The following NCK1 variants were observed in gnomAD, a reference collection of about 807,000 sequenced individuals.
NCK1 encodes the protein NCK adaptor protein 1, also known as SH2/SH3 adapter protein NCK1.
In NCK1, 19 loss-of-function variants were observed where a neutral mutation model predicts 36.6. The observed-to-expected ratio is 0.52, with a 90% CI of 0.36 to 0.76. The LOEUF is 0.76. Ranked by LOEUF, NCK1 falls within the 30% of genes least tolerant of loss-of-function variation. NCK1 has a pLI of 0.00. For synonymous variants in NCK1, 165 were observed against 156.0 expected (o/e 1.06, Z -0.43); for missense variants, 358 against 445.6 (o/e 0.80, Z 1.77).
In NCK1 at chr3:136,951,239, T is replaced by C. The variant is rs1280706924; in HGVS notation, c.*2786T>C. Among the ~76,000 whole-genome samples, 2 of 152,198 alleles carry C rather than the reference T, an allele frequency of 1.3e-5. No individual in the cohort carries two copies. The highest frequency in any genetic ancestry group is 4.8e-5 in the African/African-American group (2 of 41,462). On this transcript the variant is annotated 3_prime_UTR_variant, in exon 4 of 4. Coordinates refer to ENST00000481752, the MANE Select transcript of NCK1 (RefSeq NM_001291999.2). ...ATAGAAGCAGAGTTGTCACAGTCTC[T>C]GTAGCACGTTTGTGAGAATTCTCTA...
intron 1 of NCK1, among the ~76,000 whole-genome samples, chr3:136,924,742 G>A (rs1940195831): frequency 6.6e-6 from 1 of 152,182 alleles, no homozygotes; most frequent in African/African-American, 2.4e-5. Flanking sequence ...GCAGGAGGAG[G>A]GGAGGTCCAT....
chr3:136,868,153 T>TG (rs2108064311), intron 1 of NCK1, among the ~76,000 whole-genome samples: 1 of 152,064 alleles, frequency 6.6e-6, no homozygotes, highest in Non-Finnish European at 1.5e-5. Flanking sequence ...TGACCTCAGG[T>TG]GATCCGCTCA....
intron 1 of NCK1, among the ~76,000 whole-genome samples, chr3:136,866,770 C>T (rs1230447999): frequency 4.0e-5 from 6 of 151,442 alleles, no homozygotes; most frequent in East Asian, 3.9e-4. Context: ...CATGCCACCA[C>T]GCCTGGCTAA....
In NCK1 at chr3:136,928,089, T is replaced by C. The variant is rs780159643; in HGVS notation, c.88T>C (p.Trp30Arg). 6.2e-7 allele frequency: 1 copy of C among 1,614,188 alleles called. No homozygotes were observed. Among genetic ancestry groups the C allele is most frequent in the Non-Finnish European group, 8.5e-7 (1 of 1,180,028 alleles). Residue 30 changes from tryptophan (W) to arginine (R), a missense_variant, in exon 2 of 4, where the codon TGG becomes CGG. By Grantham distance (101) the Trp-to-Arg change is moderately radical. Coordinates refer to ENST00000481752, the MANE Select transcript of NCK1 (RefSeq NM_001291999.2). ...ELDIKKNERL[W>R]LLDDSKSWWR... ...GGACATCAAGAAGAATGAGAGATTA[T>C]GGCTTCTGGATGATTCTAAGTCCTG...
intron 1 of NCK1, among the ~76,000 whole-genome samples, chr3:136,922,761 A>C (rs1279677009): frequency 2.0e-5 from 3 of 152,222 alleles, no homozygotes; most frequent in Non-Finnish European, 2.9e-5. Flanking sequence ...ATGAATACAG[A>C]ATTTAGCAGT....
At chr3:136,942,388 A>G (rs991413967) in intron 2 of NCK1, among the ~76,000 whole-genome samples, 6 of 152,176 alleles carry the variant, frequency 3.9e-5, no homozygotes, top group Non-Finnish European at 5.9e-5. Context: ...TATAAGCTCT[A>G]TATTCCTGGT....
chr3:136,937,134 T>C (rs1940552068), intron 2 of NCK1, among the ~76,000 whole-genome samples: 1 of 152,204 alleles, frequency 6.6e-6, no homozygotes, highest in Non-Finnish European at 1.5e-5. Context: ...AGTTAATTTT[T>C]ATATATGATG....
In NCK1 at chr3:136,864,080, G is replaced by A. The variant is rs186083874; in HGVS notation, c.-19+1727G>A. ...CGCGCCACTGCACTCCAGCCTGGGC[G>A]ACAGAGCGAGACTCCGTCTCAAAAA... On this transcript the variant is annotated intron_variant, in intron 1 of 3. Transcript: ENST00000481752. 3.2e-3 allele frequency among the ~76,000 whole-genome samples: 479 copies of A among 150,020 alleles called. 6 individuals carry two copies. Among genetic ancestry groups the A allele is most frequent in the African/African-American group, 0.011 (464 of 40,834 alleles).
intron 1 of NCK1, among the ~76,000 whole-genome samples, chr3:136,922,953 C>T (rs576375199): frequency 7.3e-4 from 111 of 152,202 alleles, no homozygotes; most frequent in Admixed American, 7.2e-4. Flanking sequence ...GAAGAAAGTG[C>T]TACTTACATA....
At chr3:136,873,896 C>A (rs1378560322) in intron 1 of NCK1, among the ~76,000 whole-genome samples, 1 of 152,150 alleles carries the variant, frequency 6.6e-6, no homozygotes, top group Non-Finnish European at 1.5e-5. Flanking sequence ...TCCATTAAAC[C>A]TCTTTCTTTT....
At chr3:136,930,392 A>C in intron 2 of NCK1, 2 of 1,185,436 alleles carry the variant, frequency 1.7e-6, no homozygotes, top group Non-Finnish European at 2.1e-6. Context: ...GAGGAAAAAA[A>C]AGTTTTGGAA....
intron 1 of NCK1, among the ~76,000 whole-genome samples, chr3:136,863,039 A>C (rs1233945143): frequency 6.6e-6 from 1 of 150,400 alleles, no homozygotes; most frequent in Non-Finnish European, 1.5e-5. Flanking sequence ...TTAACATACA[A>C]GTTAAATTCG....
chr3:136,891,197 G>A (rs758294882), intron 1 of NCK1, among the ~76,000 whole-genome samples: 1 of 152,290 alleles, frequency 6.6e-6, no homozygotes, highest in East Asian at 1.9e-4. Flanking sequence ...GCAGTGGCAC[G>A]ATCTCGGCTC....
At chr3:136,901,526 GA>G (rs1179839142) in intron 1 of NCK1, among the ~76,000 whole-genome samples, 2 of 151,958 alleles carry the variant, frequency 1.3e-5, no homozygotes, top group Non-Finnish European at 2.9e-5. Flanking sequence ...TGTTTGTTGG[GA>G]GACTTTATTA....
chr3:136,894,433 A>G (rs1391200499), intron 1 of NCK1, among the ~76,000 whole-genome samples: 5 of 152,182 alleles, frequency 3.3e-5, no homozygotes, highest in Admixed American at 6.5e-5. Context: ...TGACTTCTTA[A>G]TCGAGCTTTT....
intron 3 of NCK1, among the ~76,000 whole-genome samples, chr3:136,946,543 C>G (rs1187581793): frequency 6.6e-6 from 1 of 152,144 alleles, no homozygotes; most frequent in Non-Finnish European, 1.5e-5. Flanking sequence ...GTTGATTTTG[C>G]ATTCCTGATA....
At chr3:136,915,323 A>G (rs1331149791) in intron 1 of NCK1, among the ~76,000 whole-genome samples, 2 of 152,240 alleles carry the variant, frequency 1.3e-5, no homozygotes, top group African/African-American at 4.8e-5. Flanking sequence ...TAATTAATCC[A>G]GACAGCTGGA....
chr3:136,889,491 T>G (rs1219591080), intron 1 of NCK1, among the ~76,000 whole-genome samples: 1 of 151,984 alleles, frequency 6.6e-6, no homozygotes, highest in East Asian at 1.9e-4. Context: ...GTAGCAAGAT[T>G]TATTGCAAAG....
At chr3:136,903,018 A>G (rs766346337) in intron 1 of NCK1, among the ~76,000 whole-genome samples, 6 of 148,748 alleles carry the variant, frequency 4.0e-5, no homozygotes, top group Non-Finnish European at 4.5e-5. Context: ...TTGTATCTAC[A>G]TGATCCATTT....
Sources: allele counts gnomAD v4.1 joint callset (sites outside exome capture counted in the v4.1 genomes callset), GRCh38; gene constraint gnomAD v4.1.1; transcripts MANE v1.5; gene names NCBI Gene and HGNC (gene_info 2026-07-23, HGNC 2026-07-21).